Variants in SCN3A observed in about 807,000 individuals in gnomAD.
SCN3A encodes sodium channel protein type 3 subunit alpha.
SCN3A carries 60 observed loss-of-function variants against 187.6 expected under a neutral mutation model. That is an observed-to-expected ratio of 0.32 (90% CI 0.26 to 0.40). The LOEUF (loss-of-function observed/expected upper bound fraction) is 0.40, where lower values mean the gene tolerates loss of function less well. Ranked by LOEUF, SCN3A falls within the 10% of genes least tolerant of loss-of-function variation. SCN3A has a pLI of 1.00. For missense variants in SCN3A, 1,601 were observed against 2,428.2 expected (o/e 0.66, Z 7.16); for synonymous variants, 788 against 829.2 (o/e 0.95, Z 0.85).
chr2:165,176,581 T>C (rs1690483943), intron 2 of SCN3A, 137 bp from the exon 3 acceptor site: 1 of 638,338 alleles, frequency 1.6e-6, no homozygotes, highest in Admixed American at 2.7e-5. Context: ...CACTACACAT[T>C]TGAACTTGAA....
chr2:165,123,057 A>G (rs1686787682), intron 18 of SCN3A, among the ~76,000 whole-genome samples: 1 of 152,226 alleles, frequency 6.6e-6, no homozygotes, highest in African/African-American at 2.4e-5. Flanking sequence ...AATTGCAAAA[A>G]TTCATAGTTA....
chr2:165,093,273 C>G lies in SCN3A; in HGVS notation c.4537-749G>C, dbSNP rs1347226219. On this transcript the variant is annotated intron_variant, in intron 26 of 27. Transcript: ENST00000283254. Reference sequence around the variant, plus strand: ...TTTGGTTTATACCTTATTTCCCTCCCCTGAAATACATCAGTCATATTTCTA... The same window carrying G: ...TTTGGTTTATACCTTATTTCCCTCCGCTGAAATACATCAGTCATATTTCTA... 2.0e-5 allele frequency: 3 copies of G among 152,196 alleles called. No homozygotes were observed. The East Asian group carries it at 5.8e-4, about 29-fold the overall frequency. The allele number at this position is 152,196 out of a possible 1,614,324, so 9.4% of individuals were successfully genotyped here.
chr2:165,154,703 T>G (rs1688909850), intron 10 of SCN3A, 45 bp from the exon 11 acceptor site: 2 of 1,526,768 alleles, frequency 1.3e-6, no homozygotes, highest in Non-Finnish European at 1.8e-6. Flanking sequence ...TAGTATAATG[T>G]CCCCAAATAA....
In SCN3A at chr2:165,127,709, A is replaced by C. The variant is rs765858283; in HGVS notation, c.3315T>G (p.Ile1105Met). The part of the protein sequence containing the change: ...NNPSLTVTVP[I>M]AVGESDFENL... ...TTTCAAAGTCAGACTCTCCAACAGC[A>C]ATTGGCACTGTGACGGTGAGGCTGG... is the stretch of plus-strand genomic sequence containing the variant. The change falls in exon 18 of 28, where the codon ATT becomes ATG. Residue 1105 changes from isoleucine to methionine, a missense_variant. Transcript: ENST00000283254. 6.2e-7 allele frequency: 1 copy of C among 1,614,170 alleles called. No individual in the cohort carries two copies. The highest frequency in any genetic ancestry group is 1.7e-5 in the Admixed American group (1 of 60,020).
chr2:165,131,180 C>A, intron 16 of SCN3A, 64 bp downstream of exon 16: 1 of 1,028,552 alleles, frequency 9.7e-7, no homozygotes, highest in Non-Finnish European at 1.4e-6. Context: ...TATAAATATA[C>A]ATTGATTCAA....
intron 1 of SCN3A, among the ~76,000 whole-genome samples, chr2:165,201,743 A>G (rs890254451): frequency 2.0e-5 from 3 of 152,030 alleles, no homozygotes; most frequent in Non-Finnish European, 4.4e-5. Flanking sequence ...ACTGGCCAAG[A>G]AACGCCCCTA....
At chr2:165,139,783 T>C in intron 13 of SCN3A, 175 bp from the exon 14 acceptor site, 1 of 685,794 alleles carries the variant, frequency 1.5e-6, no homozygotes, top group Non-Finnish European at 2.4e-6. Context: ...AAAAAAGTTA[T>C]CACAGGTAGT....
rs572285116 is a variant in SCN3A, at chr2:165,088,763, AT to A, written c.*1386del. 3.1e-3 allele frequency: 480 copies of A among 152,694 alleles called. 1 individual carries two copies. The highest frequency in any genetic ancestry group is 0.011 in the African/African-American group (461 of 41,586). The allele number at this position is 152,694 out of a possible 1,614,324, so 9.5% of individuals were successfully genotyped here. A position where few individuals can be genotyped will look rare whatever the true frequency, so the allele number is the denominator to read the frequency against. ...AATGCTGACAAATAAAGTTGATTAT[AT>A]TTTTACATTATTTATATTTAAACAA... is the stretch of plus-strand genomic sequence containing the variant. On this transcript the variant is annotated 3_prime_UTR_variant, in exon 28 of 28. Coordinates refer to ENST00000283254, the MANE Select transcript of SCN3A (RefSeq NM_006922.4).
At chr2:165,182,356 C>T (rs1690932258) in intron 2 of SCN3A, among the ~76,000 whole-genome samples, 1 of 152,152 alleles carries the variant, frequency 6.6e-6, no homozygotes, top group Non-Finnish European at 1.5e-5. Flanking sequence ...GTTCCTGAAG[C>T]TTTTTTATTC....
intron 15 of SCN3A, among the ~76,000 whole-genome samples, chr2:165,134,259 A>G (rs937917027): frequency 6.6e-6 from 1 of 152,246 alleles, no homozygotes; most frequent in African/African-American, 2.4e-5. Flanking sequence ...TGAGAGATAC[A>G]GGACATGAAG....
Position 165,139,563 on chromosome 2 carries a change from A to T in SCN3A, c.2065T>A (p.Tyr689Asn), listed in dbSNP as rs772150521. 6.2e-7 allele frequency: 1 copy of T among 1,613,776 alleles called. No homozygotes were observed. The highest frequency in any genetic ancestry group is 8.5e-7 in the Non-Finnish European group (1 of 1,179,748). The change falls in exon 14 of 28, where the codon TAC becomes AAC. Residue 689 changes from tyrosine to asparagine, a missense_variant. Transcript: ENST00000283254. ...TEVRKRRLSS[Y>N]QISMEMLEDS... ...TCCAGCATCTCCATTGAAATCTGGT[A>T]AGAGCTTAACCTTCTCTTTCTGACT... is the stretch of plus-strand genomic sequence containing the variant.
At chr2:165,139,445 A>C (rs143521068) in intron 14 of SCN3A, 31 bp downstream of exon 14, 18 of 1,613,432 alleles carry the variant, frequency 1.1e-5, no homozygotes, top group Non-Finnish European at 1.4e-5. Context: ...ATAATCACAG[A>C]AAGTTGGCTG....
At chr2:165,124,202 T>A (rs1482361748) in intron 18 of SCN3A, among the ~76,000 whole-genome samples, 2 of 152,096 alleles carry the variant, frequency 1.3e-5, no homozygotes, top group African/African-American at 4.8e-5. Context: ...AGAAATGTTT[T>A]CCAGGTACAT....
At chr2:165,122,239 C>CTTTTTTTTTTTTTT (rs1286913407) in intron 18 of SCN3A, among the ~76,000 whole-genome samples, 3 of 128,916 alleles carry the variant, frequency 2.3e-5, no homozygotes, top group Non-Finnish European at 3.2e-5. Flanking sequence ...TCTTTTTTTT[C>CTTTTTTTTTTTTTT]TTTTTTTTTT....
Position 165,113,058 on chromosome 2 carries a change from C to A in SCN3A, c.3670G>T (p.Ala1224Ser). The change falls in exon 21 of 28, where the codon GCC becomes TCC. Residue 1224 changes from alanine (A) to serine (S), a missense_variant and splice_region_variant. Transcript: ENST00000283254. ...FMILLSSGALAFEDIYIEQRK... is the reference protein window; with the variant it reads ...FMILLSSGALSFEDIYIEQRK... ...TGTTCAATGTATATATCTTCAAAGG[C>A]CTATGAATCAAAAATATTTTATTTT... The A allele has an allele frequency of 6.2e-7, 1 of 1,608,012 alleles. No individual in the cohort carries two copies. The highest frequency in any genetic ancestry group is 1.1e-5 in the South Asian group (1 of 90,216).
At position 165,127,974 on chromosome 2, in the gene SCN3A, T is replaced by C; in HGVS notation, c.3050A>G (p.Tyr1017Cys). The change falls in exon 18 of 28, where the codon TAT (tyrosine) becomes TGT (cysteine). Residue 1017 changes from tyrosine to cysteine, a missense_variant. Tyr to Cys is a radical substitution (Grantham distance 194, BLOSUM62 -2). This residue lies in a region of SCN3A where 267 missense variants were observed against 313.2 expected (regional missense o/e 0.85). Transcript: ENST00000283254. ...ACACTCCCGCATCTTATTTTTCACA[T>C]AATCAATTCCCTTTTGCATTCTTCC... ...AVGRMQKGIDYVKNKMRECFQ... is the reference protein window; with the variant it reads ...AVGRMQKGIDCVKNKMRECFQ... 6.2e-7 allele frequency: 1 copy of C among 1,614,134 alleles called. No homozygotes were observed. Among genetic ancestry groups the C allele is most frequent in the Non-Finnish European group, 8.5e-7 (1 of 1,180,008 alleles).
intron 9 of SCN3A, 32 bp from the exon 10 acceptor site, chr2:165,155,935 T>C (rs1688996286): frequency 1.2e-6 from 2 of 1,613,370 alleles, no homozygotes; most frequent in Non-Finnish European, 1.7e-6. Flanking sequence ...GTAGGGTCAG[T>C]TTAGAAATTA....
chr2:165,142,894 G>A (rs1281621731), intron 12 of SCN3A, among the ~76,000 whole-genome samples: 2 of 151,946 alleles, frequency 1.3e-5, no homozygotes, highest in Non-Finnish European at 1.5e-5. Flanking sequence ...TGGGACTAGA[G>A]GTGCCCGCCA....
chr2:165,148,857 G>C (rs1688508555), intron 11 of SCN3A, among the ~76,000 whole-genome samples: 1 of 151,938 alleles, frequency 6.6e-6, no homozygotes, highest in Non-Finnish European at 1.5e-5. Context: ...GAAATATTAA[G>C]TACATTTTAT....
Sources: allele counts gnomAD v4.1 joint callset (sites outside exome capture counted in the v4.1 genomes callset), GRCh38; gene constraint gnomAD v4.1.1; regional missense constraint gnomAD v4.1.1; transcripts MANE v1.5; gene names NCBI Gene and HGNC (gene_info 2026-07-23, HGNC 2026-07-21).